NBEA: variants seen among roughly 807,000 people sequenced by gnomAD.
The protein encoded by NBEA is neurobeachin.
In NBEA, 44 loss-of-function variants were observed where a neutral mutation model predicts 343.4. That is an observed-to-expected ratio of 0.13 (90% CI 0.10 to 0.16). The LOEUF is 0.16. NBEA is among the 10% of genes least tolerant of loss of function. The pLI, the probability that NBEA is intolerant of heterozygous loss-of-function variation, is 1.00. For synonymous variants in NBEA, 1,175 were observed against 1,238.7 expected, an observed-to-expected ratio of 0.95 and a Z score of 1.08; for missense variants, 2,555 against 3,631.3, an observed-to-expected ratio of 0.70 and a Z score of 7.62.
chr13:35,560,314 A>C (rs180969504), intron 44 of NBEA, among the ~76,000 whole-genome samples: 2 of 152,344 alleles, frequency 1.3e-5, no homozygotes, highest in East Asian at 3.9e-4. Flanking sequence ...AGCTGCTTTT[A>C]AAACCTAAAT....
chr13:35,205,947 A>G (rs144219642), intron 31 of NBEA, among the ~76,000 whole-genome samples: 37 of 152,156 alleles, frequency 2.4e-4, no homozygotes, highest in African/African-American at 8.7e-4. Context: ...CTATGTGCCC[A>G]ATACCACGTA....
At chr13:35,499,591 G>C (rs1355672437) in intron 41 of NBEA, among the ~76,000 whole-genome samples, 1 of 151,934 alleles carries the variant, frequency 6.6e-6, no homozygotes, top group Non-Finnish European at 1.5e-5. Flanking sequence ...CTTTTGTCCA[G>C]GCACTGTTCT....
intron 10 of NBEA, among the ~76,000 whole-genome samples, chr13:35,088,562 T>A (rs138208990): frequency 1.1e-4 from 16 of 152,052 alleles, no homozygotes; most frequent in African/African-American, 3.4e-4. Flanking sequence ...TCCAGTGTAT[T>A]CTGGGTCAAG....
At chr13:35,232,327 T>A (rs1292393428) in intron 33 of NBEA, among the ~76,000 whole-genome samples, 165 bp from the exon 34 acceptor site, 12 of 152,178 alleles carry the variant, frequency 7.9e-5, no homozygotes, top group Admixed American at 6.6e-4. Context: ...GCCTTATGAC[T>A]GTTTGTGAAA....
intron 38 of NBEA, among the ~76,000 whole-genome samples, chr13:35,377,521 A>G (rs1389752460): frequency 6.6e-6 from 1 of 152,186 alleles, no homozygotes; most frequent in Admixed American, 6.6e-5. Flanking sequence ...CCAAACTTTT[A>G]CTGCTGAAAC....
rs913989349 is a variant in NBEA, at chr13:35,066,593, A to T, written c.1240-3315A>T. On this transcript the variant is annotated intron_variant, in intron 8 of 58. Coordinates refer to ENST00000379939, the MANE Select transcript of NBEA (RefSeq NM_001385012.1). ...CTTGTTTTAAAGTCTATTTTGTCCG[A>T]TATTAGCACAGCCATTCCAGCTTTC... is the stretch of plus-strand genomic sequence containing the variant. Among the ~76,000 whole-genome samples, 19 of 151,978 alleles carry T rather than the reference A, an allele frequency of 1.3e-4. No homozygotes were observed. In the South Asian group the frequency reaches 1.5e-3, roughly 12 times the overall value.
intron 34 of NBEA, among the ~76,000 whole-genome samples, chr13:35,258,986 G>A (rs938682827): frequency 6.6e-6 from 1 of 152,108 alleles, no homozygotes; most frequent in Non-Finnish European, 1.5e-5. Flanking sequence ...CATTCAGTAG[G>A]TTAGCTATAT....
At chr13:35,190,269 C>T (rs2072081401) in intron 30 of NBEA, among the ~76,000 whole-genome samples, 1 of 152,064 alleles carries the variant, frequency 6.6e-6, no homozygotes, top group Non-Finnish European at 1.5e-5. Flanking sequence ...CCAGTTGGGG[C>T]AAACAAGAAC....
chr13:35,403,311 T>TATA lies in NBEA; in HGVS notation c.6180-28957_6180-28955dup, dbSNP rs1194266980. On this transcript the variant is annotated intron_variant, in intron 38 of 58. Transcript: ENST00000379939. ...TATTTGCAAACACTATTATAAGTAC[T>TATA]ATAGGGTTGCAAAGCTGCATGAGGT... is the stretch of plus-strand genomic sequence containing the variant. Among the ~76,000 whole-genome samples, 5 of 152,224 alleles carry TATA rather than the reference T, an allele frequency of 3.3e-5. No homozygotes were observed. In the East Asian group the frequency reaches 9.6e-4, roughly 29 times the overall value.
intron 1 of NBEA, among the ~76,000 whole-genome samples, chr13:35,021,670 A>G (rs921557758): frequency 2.0e-5 from 3 of 151,790 alleles, no homozygotes; most frequent in Admixed American, 6.6e-5. Context: ...TATCATATGC[A>G]TCATTAACTT....
chr13:35,391,501 T>C (rs2042499525), intron 38 of NBEA, among the ~76,000 whole-genome samples: 1 of 152,148 alleles, frequency 6.6e-6, no homozygotes, highest in Admixed American at 6.6e-5. Flanking sequence ...ATGAAGATGG[T>C]TAAAGATTTA....
intron 39 of NBEA, among the ~76,000 whole-genome samples, chr13:35,444,320 T>A (rs2045885465): frequency 6.6e-6 from 1 of 151,998 alleles, no homozygotes; most frequent in South Asian, 2.1e-4. Context: ...CCATTTAGAG[T>A]TACTAAAAGC....
chr13:35,064,168 G>A (rs1593230534), intron 8 of NBEA, among the ~76,000 whole-genome samples: 2 of 120,114 alleles, frequency 1.7e-5, no homozygotes, highest in African/African-American at 5.1e-5. Context: ...GATATGGACA[G>A]GATTTAAAGG....
chr13:35,106,987 G>A lies in NBEA; in HGVS notation c.1681-2303G>A, dbSNP rs1165901196. ...TCTGGTCACCTAGCATGTTTATCTA[G>A]TAACAGGATCTGACTGTATTCTATT... On this transcript the variant is annotated intron_variant, in intron 11 of 58. Transcript: ENST00000379939. Among the ~76,000 whole-genome samples the A allele has an allele frequency of 4.0e-5, 6 of 151,818 alleles. No homozygotes were observed. The East Asian group carries it at 1.2e-3, about 29-fold the overall frequency.
intron 41 of NBEA, among the ~76,000 whole-genome samples, chr13:35,539,915 C>CAAAAAAAAAAAAAAAAAAAAAAAAAA (rs71081262): frequency 2.5e-5 from 1 of 39,620 alleles, no homozygotes; most frequent in Non-Finnish European, 4.6e-5. Flanking sequence ...GACTCCGTCT[C>CAAAAAAAAAAAAAAAAAAAAAAAAAA]AAAAAAAAAA....
At chr13:35,601,091 C>T (rs140285647) in intron 47 of NBEA, among the ~76,000 whole-genome samples, 186 of 152,024 alleles carry the variant, frequency 1.2e-3, no homozygotes, top group African/African-American at 4.2e-3. Flanking sequence ...GCTCAAGAAT[C>T]GCTTGAACCT....
chr13:35,167,238 A>T (rs973941909), intron 24 of NBEA, among the ~76,000 whole-genome samples: 1 of 152,036 alleles, frequency 6.6e-6, no homozygotes, highest in African/African-American at 2.4e-5. Flanking sequence ...TAGACAATAC[A>T]TAAACAAATA....
At chr13:35,475,952 A>G in intron 41 of NBEA, 1 of 1,614,156 alleles carries the variant, frequency 6.2e-7, no homozygotes, top group Non-Finnish European at 8.5e-7. Context: ...AGGCCCTCGT[A>G]GCGATTGTCC....
At chr13:35,437,865 T>C (rs979330936) in intron 39 of NBEA, among the ~76,000 whole-genome samples, 1 of 152,194 alleles carries the variant, frequency 6.6e-6, no homozygotes, top group African/African-American at 2.4e-5. Flanking sequence ...CCTAGACTAG[T>C]CAAATTCTGG....
Sources: gnomAD v4.1 joint callset for allele counts (sites outside exome capture counted in the v4.1 genomes callset) on GRCh38, gnomAD v4.1.1 for gene constraint, MANE v1.5 for transcripts, NCBI Gene and HGNC (gene_info 2026-07-23, HGNC 2026-07-21) for gene names.